LRRTM3: variants seen among roughly 807,000 people sequenced by gnomAD.
The protein encoded by LRRTM3 is leucine rich repeat transmembrane neuronal 3.
Under a neutral mutation model 44.7 loss-of-function variants are expected in LRRTM3, and 24 were observed. The observed-to-expected ratio is 0.54, with a 90% CI of 0.39 to 0.76. LRRTM3 has a LOEUF of 0.76. Ranked by LOEUF, LRRTM3 falls within the 30% of genes least tolerant of loss-of-function variation. The pLI is 0.00. For missense variants in LRRTM3, 587 were observed against 702.2 expected, an observed-to-expected ratio of 0.84 and a Z score of 1.85; for synonymous variants, 277 against 278.7, an observed-to-expected ratio of 0.99 and a Z score of 0.06.
rs1283530161 is a variant in LRRTM3 at position 66,928,303 on chromosome 10, A to G, written c.1387A>G (p.Lys463Glu). 5.0e-6 allele frequency: 8 copies of G among 1,614,198 alleles called. No individual in the cohort carries two copies. Reference sequence around the variant, plus strand: ...GCGCTCCCTCATGCGAAGGCACAGGAAAAAGAAAAGACAGTCCCTAAAGCA... The same window carrying G: ...GCGCTCCCTCATGCGAAGGCACAGGGAAAAGAAAAGACAGTCCCTAAAGCA... ...QQRSLMRRHR[K>E]KKRQSLKQMT... The change falls in exon 2 of 3, where the codon AAA (lysine) becomes GAA (glutamate). Residue 463 changes from lysine to glutamate, a missense_variant. Physicochemically the swap from Lys to Glu is moderately conservative, Grantham distance 56 (BLOSUM62 1). Around this residue, in one of 3 missense-constraint regions of LRRTM3, gnomAD observed 315 missense variants for 335.6 expected, o/e 0.94. Transcript: ENST00000361320.
intron 2 of LRRTM3, among the ~76,000 whole-genome samples, chr10:67,086,989 G>T (rs969357438): frequency 2.0e-5 from 3 of 151,944 alleles, no homozygotes; most frequent in Non-Finnish European, 4.4e-5. Flanking sequence ...TTTTCATACT[G>T]ATTAGCAACT....
intron 2 of LRRTM3, among the ~76,000 whole-genome samples, chr10:66,998,556 T>TG (rs1283071357): frequency 6.6e-6 from 1 of 151,510 alleles, no homozygotes; most frequent in Admixed American, 6.6e-5. Context: ...AGATGAAGAA[T>TG]GACAATGAAC....
At chr10:67,065,642 C>A (rs961690640) in intron 2 of LRRTM3, among the ~76,000 whole-genome samples, 10 of 152,130 alleles carry the variant, frequency 6.6e-5, no homozygotes, top group Admixed American at 2.0e-4. Flanking sequence ...CAATAAAATT[C>A]TCCAGTGCCT....
chr10:67,095,282 T>C (rs1293071487), intron 2 of LRRTM3, among the ~76,000 whole-genome samples: 1 of 151,732 alleles, frequency 6.6e-6, no homozygotes, highest in Admixed American at 6.6e-5. Context: ...GGAAATGATA[T>C]ATGTTAAACA....
chr10:67,012,641 A>C (rs1317935625), intron 2 of LRRTM3, among the ~76,000 whole-genome samples: 1 of 152,012 alleles, frequency 6.6e-6, no homozygotes, highest in African/African-American at 2.4e-5. Context: ...TACCCAACAT[A>C]CCTAAAGAAC....
intron 2 of LRRTM3, among the ~76,000 whole-genome samples, chr10:66,942,948 G>A (rs1348016714): frequency 6.6e-6 from 1 of 152,170 alleles, no homozygotes; most frequent in Admixed American, 6.5e-5. Context: ...CACTTAATGA[G>A]CACCTATAAT....
chr10:67,027,607 T>C (rs955120328), intron 2 of LRRTM3, among the ~76,000 whole-genome samples: 1 of 151,976 alleles, frequency 6.6e-6, no homozygotes, highest in African/African-American at 2.4e-5. Flanking sequence ...GCTAACTTTT[T>C]TGTATTTTTA....
Position 66,942,902 on chromosome 10 carries a change from T to G in LRRTM3, c.1536+14450T>G, listed in dbSNP as rs543519123. On this transcript the variant is annotated intron_variant, in intron 2 of 2. Coordinates refer to ENST00000361320, the MANE Select transcript of LRRTM3 (RefSeq NM_178011.5). The stretch of plus-strand genomic sequence containing the variant: ...GATGGCTAAATTAAGCAAAAGCAAA[T>G]TAATCAAAGAGTTACAAAGGAAGAA... Among the ~76,000 whole-genome samples, 7 of 152,238 alleles carry G rather than the reference T, an allele frequency of 4.6e-5. No individual in the cohort carries two copies. The South Asian group carries it at 1.4e-3, about 32-fold the overall frequency.
In LRRTM3 at chr10:67,070,443, G is replaced by A. The variant is rs768993141; in HGVS notation, c.1537-27144G>A. Among the ~76,000 whole-genome samples, 109 of 151,902 alleles carry A rather than the reference G, an allele frequency of 7.2e-4. 2 individuals are homozygous for A. Among genetic ancestry groups the A allele is most frequent in the Admixed American group, 9.8e-4 (15 of 15,256 alleles). On this transcript the variant is annotated intron_variant, in intron 2 of 2. Coordinates refer to ENST00000361320, the MANE Select transcript of LRRTM3 (RefSeq NM_178011.5). The stretch of plus-strand genomic sequence containing the variant: ...CTCTATATATATATTTTTTATGTTT[G>A]TGTCCCGATTAAGAAATCCTTGTGG...
chr10:66,932,790 A>G (rs538358916), intron 2 of LRRTM3, among the ~76,000 whole-genome samples: 3 of 152,294 alleles, frequency 2.0e-5, no homozygotes, highest in South Asian at 4.1e-4. Context: ...AGCCTCCAAA[A>G]GTTGGTGATG....
In LRRTM3 at chr10:67,046,490, T is replaced by A. The variant is rs190866025; in HGVS notation, c.1537-51097T>A. ...AATAGACATTGCCACGATATCTTCCTAGAAGAACAAGGGGATTCCTGGAAA... is the reference window on the plus strand; with the variant it reads ...AATAGACATTGCCACGATATCTTCCAAGAAGAACAAGGGGATTCCTGGAAA... On this transcript the variant is annotated intron_variant, in intron 2 of 2. Coordinates refer to ENST00000361320, the MANE Select transcript of LRRTM3 (RefSeq NM_178011.5). 5.3e-4 allele frequency among the ~76,000 whole-genome samples: 81 copies of A among 152,264 alleles called. No individual in the cohort carries two copies. The Middle Eastern group carries it at 0.01, about 19-fold the overall frequency.
intron 2 of LRRTM3, among the ~76,000 whole-genome samples, chr10:66,965,127 C>T (rs914724966): frequency 2.0e-5 from 3 of 152,090 alleles, no homozygotes; most frequent in African/African-American, 7.2e-5. Flanking sequence ...GTTCTTTGTC[C>T]CATGCCAAAA....
At position 66,970,508 on chromosome 10, in the gene LRRTM3, G is replaced by A. The variant is rs1055645953; in HGVS notation, c.1536+42056G>A. 2.1e-5 allele frequency among the ~76,000 whole-genome samples: 3 copies of A among 140,022 alleles called. No individual in the cohort carries two copies. In the Admixed American group the frequency reaches 2.2e-4, roughly 10 times the overall value. The allele number at this position is 140,022 out of a possible 152,430, so 91.9% of individuals were successfully genotyped here. ...AAAGGTCTATATTCTTGGGTGGGGG[G>A]GGGATACAATTCTTCTATTAGGGAA... On this transcript the variant is annotated intron_variant, in intron 2 of 2. Transcript: ENST00000361320.
intron 2 of LRRTM3, among the ~76,000 whole-genome samples, chr10:67,069,894 TTAACATGTG>T (rs1400609501): frequency 6.6e-6 from 1 of 152,194 alleles, no homozygotes; most frequent in Non-Finnish European, 1.5e-5. Flanking sequence ...CATCTTTTGG[TTAACATGTG>T]TACATATTTC....
intron 2 of LRRTM3, among the ~76,000 whole-genome samples, chr10:67,078,193 T>C (rs1018743279): frequency 3.9e-5 from 6 of 152,192 alleles, no homozygotes; most frequent in Admixed American, 3.9e-4. Context: ...GGTTCTTTGC[T>C]TGATCTCAGT....
At chr10:67,001,057 C>G (rs1473974833) in intron 2 of LRRTM3, among the ~76,000 whole-genome samples, 1 of 151,902 alleles carries the variant, frequency 6.6e-6, no homozygotes, top group Non-Finnish European at 1.5e-5. Context: ...AATCCCAGCA[C>G]TTTGGGAGGC....
rs1335398140 is a variant in LRRTM3, at chr10:67,089,158, C to T, written c.1537-8429C>T. Among the ~76,000 whole-genome samples, 3 of 151,850 alleles carry T rather than the reference C, an allele frequency of 2.0e-5. No individual in the cohort carries two copies. The South Asian group carries it at 6.2e-4, about 31-fold the overall frequency. Reference sequence around the variant, plus strand: ...GCTATCGGGAGTCCTAGAGCCAATCCCCCATGGATACTGAGGGAGGACTGT... The same window carrying T: ...GCTATCGGGAGTCCTAGAGCCAATCTCCCATGGATACTGAGGGAGGACTGT... On this transcript the variant is annotated intron_variant, in intron 2 of 2. Coordinates refer to ENST00000361320, the MANE Select transcript of LRRTM3 (RefSeq NM_178011.5).
intron 2 of LRRTM3, among the ~76,000 whole-genome samples, chr10:66,947,503 G>T (rs1336038317): frequency 6.6e-6 from 1 of 151,998 alleles, no homozygotes; most frequent in East Asian, 1.9e-4. Flanking sequence ...AACTGAGCCT[G>T]CCCTCTTTGT....
chr10:67,097,673 C>T lies in LRRTM3; in HGVS notation c.1623C>T (p.Ser541=), dbSNP rs200082671. The T allele has an allele frequency of 6.2e-6, 10 of 1,612,576 alleles. No individual in the cohort carries two copies. The highest frequency in any genetic ancestry group is 1.6e-4 in the Middle Eastern group (1 of 6,072). Residue 541 remains serine (S), a synonymous_variant, in exon 3 of 3, where the codon TCC becomes TCT. Transcript: ENST00000361320. ...GTGGGGTGCATCATGAACTTCTCTC[C>T]CATAAGTCCTTTGAAACGAATGCAC... ...SYCGVHHELL[S]HKSFETNAQE...
Sources: allele counts gnomAD v4.1 joint callset (sites outside exome capture counted in the v4.1 genomes callset), GRCh38; gene constraint gnomAD v4.1.1; regional missense constraint gnomAD v4.1.1; transcripts MANE v1.5; gene names NCBI Gene and HGNC (gene_info 2026-07-23, HGNC 2026-07-21).